The following IL1RAPL2 variants were observed in gnomAD, a reference collection of about 807,000 sequenced individuals.
The protein encoded by IL1RAPL2 is X-linked interleukin-1 receptor accessory protein-like 2.
Under a neutral mutation model 44.1 loss-of-function variants are expected in IL1RAPL2, and 3 were observed. The ratio of observed to expected loss-of-function variants is 0.07; its 90% CI spans 0.03 to 0.18. The LOEUF (loss-of-function observed/expected upper bound fraction) is 0.18. Among genes scored for constraint, IL1RAPL2 ranks in the 10% least tolerant of loss-of-function variants. IL1RAPL2 has a pLI of 1.00. For missense variants in IL1RAPL2, 391 were observed against 496.4 expected (o/e 0.79, Z 2.02); for synonymous variants, 181 against 178.8 (o/e 1.01, Z -0.10).
chrX:105,232,849 T>C (rs2034083308), intron 3 of IL1RAPL2, among the ~76,000 whole-genome samples: 1 of 112,190 alleles, frequency 8.9e-6, no homozygotes, highest in African/African-American at 3.2e-5. Context: ...TAAAGTGGCC[T>C]TATGATAACA....
chrX:105,385,035 G>A (rs904882215), intron 5 of IL1RAPL2, among the ~76,000 whole-genome samples: 2 of 110,627 alleles, frequency 1.8e-5, no homozygotes, highest in African/African-American at 6.6e-5. Context: ...TTAATATAAG[G>A]TCATATAATT....
At chrX:105,288,200 A>T (rs2034585461) in intron 5 of IL1RAPL2, among the ~76,000 whole-genome samples, 1 of 111,109 alleles carries the variant, frequency 9.0e-6, no homozygotes, top group Non-Finnish European at 1.9e-5. Context: ...TCTCCTGCTT[A>T]GTGTAATAAG....
Position 104,950,355 on chromosome X carries a change from C to T in IL1RAPL2, c.83-245120C>T, listed in dbSNP as rs190591666. ...ATCTCCAGCTGCGTGCTGGGAGAAC[C>T]ACTGCTCTCTTCAAAGCTGTCAGAC... On this transcript the variant is annotated intron_variant, in intron 2 of 10. Transcript: ENST00000372582. Among the ~76,000 whole-genome samples the T allele has an allele frequency of 2.3e-4, 26 of 112,355 alleles. No individual in the cohort carries two copies. The East Asian group carries it at 2.8e-3, about 12-fold the overall frequency.
intron 2 of IL1RAPL2, among the ~76,000 whole-genome samples, chrX:104,971,510 A>G (rs1299225926): frequency 9.0e-6 from 1 of 110,981 alleles, no homozygotes; most frequent in Non-Finnish European, 1.9e-5. Context: ...GTTAACCTCA[A>G]TCTGTCCAGA....
Position 105,204,192 on chromosome X carries a change from A to C in IL1RAPL2, c.356+8444A>C, listed in dbSNP as rs1556149246. 5.4e-5 allele frequency among the ~76,000 whole-genome samples: 6 copies of C among 111,823 alleles called. No individual in the cohort carries two copies. The Admixed American group carries it at 5.7e-4, about 11-fold the overall frequency. ...CGCCACTCTCCCTAGAGTACATTTG[A>C]GCATTCAGTAGTAGAGTCATATGGT... is the stretch of plus-strand genomic sequence containing the variant. On this transcript the variant is annotated intron_variant, in intron 3 of 10. Coordinates refer to ENST00000372582, the MANE Select transcript of IL1RAPL2 (RefSeq NM_017416.2).
chrX:104,764,258 A>G (rs947324287), intron 2 of IL1RAPL2, among the ~76,000 whole-genome samples: 2 of 110,143 alleles, frequency 1.8e-5, no homozygotes, highest in Non-Finnish European at 3.8e-5. Context: ...TATAATTTTC[A>G]TTATAGAGAT....
intron 2 of IL1RAPL2, among the ~76,000 whole-genome samples, chrX:105,078,968 C>T (rs1395578598): frequency 8.9e-6 from 1 of 112,441 alleles, no homozygotes; most frequent in African/African-American, 3.2e-5. Flanking sequence ...TTCCCTGACC[C>T]CTTGTGCTTC....
At chrX:105,165,734 T>C (rs2033366164) in intron 2 of IL1RAPL2, among the ~76,000 whole-genome samples, 1 of 112,093 alleles carries the variant, frequency 8.9e-6, no homozygotes, top group African/African-American at 3.2e-5. Flanking sequence ...TTCCTGAATA[T>C]GTCACATTGT....
chrX:105,607,344 T>C (rs747962590), intron 6 of IL1RAPL2, among the ~76,000 whole-genome samples: 1 of 109,768 alleles, frequency 9.1e-6, no homozygotes, highest in South Asian at 3.8e-4. Flanking sequence ...GTACGTGGTA[T>C]GGATTGTTTT....
At chrX:104,764,460 T>C (rs1035824784) in intron 2 of IL1RAPL2, among the ~76,000 whole-genome samples, 1 of 111,963 alleles carries the variant, frequency 8.9e-6, no homozygotes, top group Non-Finnish European at 1.9e-5. Flanking sequence ...TCTTGTGGAG[T>C]CTTTAGGTTT....
At chrX:104,826,709 G>A (rs1464346782) in intron 2 of IL1RAPL2, among the ~76,000 whole-genome samples, 2 of 110,260 alleles carry the variant, frequency 1.8e-5, no homozygotes, top group African/African-American at 6.6e-5. Flanking sequence ...TGACAGTGGG[G>A]TGTTAAATTC....
At chrX:104,860,285 G>A (rs1602764177) in intron 2 of IL1RAPL2, among the ~76,000 whole-genome samples, 1 of 111,695 alleles carries the variant, frequency 9.0e-6, no homozygotes, top group South Asian at 3.7e-4. Flanking sequence ...TGTATCTCAA[G>A]GCAGAGTAGA....
intron 1 of IL1RAPL2, among the ~76,000 whole-genome samples, chrX:104,606,322 AAAT>A (rs933827011): frequency 8.9e-6 from 1 of 111,814 alleles, no homozygotes; most frequent in African/African-American, 3.3e-5. Flanking sequence ...ACATATCACA[AAAT>A]AATAAGAGCT....
At chrX:105,740,198 C>A (rs2038487229) in intron 7 of IL1RAPL2, among the ~76,000 whole-genome samples, 1 of 111,002 alleles carries the variant, frequency 9.0e-6, no homozygotes, top group Non-Finnish European at 1.9e-5. Context: ...AAAAACCCTT[C>A]AAAAAATTAA....
chrX:104,962,005 C>T (rs1182720258), intron 2 of IL1RAPL2, among the ~76,000 whole-genome samples: 1 of 112,240 alleles, frequency 8.9e-6, no homozygotes, highest in Non-Finnish European at 1.9e-5. Context: ...CCATCTGTTT[C>T]GTTGCTTTCT....
At chrX:105,561,850 G>C (rs1055424219) in intron 6 of IL1RAPL2, among the ~76,000 whole-genome samples, 3 of 111,789 alleles carry the variant, frequency 2.7e-5, no homozygotes, top group South Asian at 3.7e-4. Flanking sequence ...GACAGTGCAG[G>C]GTTTTGCATA....
At chrX:105,223,349 G>C in intron 3 of IL1RAPL2, among the ~76,000 whole-genome samples, 1 of 111,247 alleles carries the variant, frequency 9.0e-6, no homozygotes, top group Non-Finnish European at 1.9e-5. Flanking sequence ...GGACAGCACC[G>C]TGGCCTGCCT....
intron 2 of IL1RAPL2, among the ~76,000 whole-genome samples, chrX:104,731,699 G>A (rs764089624): frequency 2.5e-3 from 280 of 111,625 alleles, no homozygotes; most frequent in Middle Eastern, 0.014. Context: ...CTTTAAAGGC[G>A]CCTGGCCTGT....
chrX:105,415,453 T>C (rs1261945058), intron 5 of IL1RAPL2, among the ~76,000 whole-genome samples: 1 of 112,001 alleles, frequency 8.9e-6, no homozygotes, highest in Non-Finnish European at 1.9e-5. Flanking sequence ...GGTGAAGCTG[T>C]CCAGAGCTAT....
Sources: allele counts gnomAD v4.1 joint callset (sites outside exome capture counted in the v4.1 genomes callset), GRCh38; gene constraint gnomAD v4.1.1; transcripts MANE v1.5; gene names NCBI Gene and HGNC (gene_info 2026-07-23, HGNC 2026-07-21).